The following HERC6 variants were observed in gnomAD, a reference collection of about 807,000 sequenced individuals.
HERC6 encodes probable E3 ubiquitin-protein ligase HERC6.
A neutral mutation model predicts 114.5 loss-of-function variants in HERC6; 101 were observed. The observed-to-expected ratio is 0.88, with a 90% CI of 0.75 to 1.04. HERC6 has a LOEUF of 1.04. Ranked by LOEUF, HERC6 falls within the 50% of genes least tolerant of loss-of-function variation. The pLI is 0.00. For synonymous variants in HERC6, 408 were observed against 436.2 expected (o/e 0.94, Z 0.81); for missense variants, 1,133 against 1,230.9 (o/e 0.92, Z 1.19).
chr4:88,415,379 A>G (rs1410888197), intron 12 of HERC6, among the ~76,000 whole-genome samples: 3 of 152,178 alleles, frequency 2.0e-5, no homozygotes, highest in Non-Finnish European at 2.9e-5. Context: ...AAAATCACTG[A>G]GTCAAATTGT....
intron 8 of HERC6, among the ~76,000 whole-genome samples, chr4:88,400,439 T>C (rs1284473065): frequency 6.6e-6 from 1 of 152,192 alleles, no homozygotes; most frequent in Non-Finnish European, 1.5e-5. Flanking sequence ...TCAAGTGATC[T>C]GCCCACCTTG....
At chr4:88,386,426 G>A (rs556392557) in intron 3 of HERC6, among the ~76,000 whole-genome samples, 135 of 152,024 alleles carry the variant, frequency 8.9e-4, no homozygotes, top group Non-Finnish European at 1.1e-3. Context: ...GGCTGGTCTC[G>A]AACTCCTGAC....
intron 4 of HERC6, among the ~76,000 whole-genome samples, chr4:88,391,620 T>A (rs1370096824): frequency 6.6e-6 from 1 of 152,236 alleles, no homozygotes; most frequent in African/African-American, 2.4e-5. Flanking sequence ...GCATCCATCG[T>A]CATTAGAGAC....
At position 88,428,621 on chromosome 4, in the gene HERC6, T is replaced by C. The variant is rs1342325917; in HGVS notation, c.1977T>C (p.Ile659=). Residue 659 remains isoleucine (I), a synonymous_variant, in exon 16 of 23, where the codon ATT becomes ATC. Transcript: ENST00000264346. ...CATACATGCTTATGCATGAAACAAT[T>C]CTGCAAAAAAAGGATGAATTTCCTC... ...KKAYMLMHET[I]LQKKDEFPPS... The C allele has an allele frequency of 6.2e-7, 1 of 1,608,726 alleles. No individual in the cohort carries two copies. Among genetic ancestry groups the C allele is most frequent in the Non-Finnish European group, 8.5e-7 (1 of 1,178,088 alleles).
intron 10 of HERC6, among the ~76,000 whole-genome samples, chr4:88,408,023 G>A (rs1455964336): frequency 6.6e-6 from 1 of 152,168 alleles, no homozygotes; most frequent in Non-Finnish European, 1.5e-5. Flanking sequence ...AGAATCTATG[G>A]GCACAAACTG....
intron 8 of HERC6, chr4:88,399,786 A>G (rs1578382149): frequency 6.6e-6 from 1 of 152,064 alleles, no homozygotes; most frequent in African/African-American, 2.4e-5. Context: ...AAAAAAAAAA[A>G]TTGTATTAGA....
intron 10 of HERC6, 115 bp downstream of exon 10, chr4:88,405,728 C>A: frequency 2.0e-6 from 1 of 495,918 alleles, no homozygotes. Context: ...AAGTCCAACA[C>A]AGAGAACTCT....
rs765131578 is a variant in HERC6 at position 88,379,058 on chromosome 4, C to T, written c.137C>T (p.Ser46Leu). Residue 46 changes from serine (S) to leucine (L), a missense_variant, in exon 1 of 23, where the codon TCG (serine) becomes TTG (leucine). Coordinates refer to ENST00000264346, the MANE Select transcript of HERC6 (RefSeq NM_017912.4). ...LLLLTNHRVLSCGDNSRGQLG... is the reference protein window; with the variant it reads ...LLLLTNHRVLLCGDNSRGQLG... ...CTGCTGACCAACCACAGGGTCCTCT[C>T]GTGCGGAGACAACAGCAGGGGTCAG... The T allele has an allele frequency of 6.4e-7, 1 of 1,556,062 alleles. No homozygotes were observed. The highest frequency in any genetic ancestry group is 8.7e-7 in the Non-Finnish European group (1 of 1,151,374).
At chr4:88,427,511 G>T (rs528157566) in intron 15 of HERC6, among the ~76,000 whole-genome samples, 2 of 152,062 alleles carry the variant, frequency 1.3e-5, no homozygotes, top group African/African-American at 4.8e-5. Context: ...GATGGAACTT[G>T]TTCCTTTTCC....
At chr4:88,398,047 A>C in intron 7 of HERC6, 95 bp from the exon 8 acceptor site, 1 of 684,770 alleles carries the variant, frequency 1.5e-6, no homozygotes, top group Non-Finnish European at 2.4e-6. Flanking sequence ...GAGAATATAA[A>C]TTGCCAGTAA....
intron 8 of HERC6, among the ~76,000 whole-genome samples, chr4:88,401,866 T>G (rs894524016): frequency 2.6e-5 from 4 of 152,220 alleles, no homozygotes; most frequent in African/African-American, 9.6e-5. Flanking sequence ...GTCATAGACT[T>G]AAAGTGAAAT....
At chr4:88,418,666 T>C (rs1180256790) in intron 13 of HERC6, among the ~76,000 whole-genome samples, 1 of 152,204 alleles carries the variant, frequency 6.6e-6, no homozygotes, top group Non-Finnish European at 1.5e-5. Context: ...AGGCACTGGA[T>C]AAAAACCCTT....
At chr4:88,429,551 G>A (rs985813213) in intron 16 of HERC6, among the ~76,000 whole-genome samples, 5 of 152,104 alleles carry the variant, frequency 3.3e-5, no homozygotes, top group African/African-American at 1.2e-4. Flanking sequence ...TTTTTATTGT[G>A]TAGTAACTCA....
At chr4:88,388,717 C>T (rs1297814838) in intron 3 of HERC6, among the ~76,000 whole-genome samples, 2 of 151,902 alleles carry the variant, frequency 1.3e-5, no homozygotes, top group Admixed American at 1.3e-4. Context: ...TGAAGGCTTA[C>T]AGGTAGCAGC....
chr4:88,395,451 A>G (rs1195321380), intron 5 of HERC6, among the ~76,000 whole-genome samples: 1 of 152,140 alleles, frequency 6.6e-6, no homozygotes, highest in Non-Finnish European at 1.5e-5. Flanking sequence ...CAAAAATTGT[A>G]TATGTTTATG....
At chr4:88,385,790 T>C (rs931460499) in intron 3 of HERC6, among the ~76,000 whole-genome samples, 2 of 152,186 alleles carry the variant, frequency 1.3e-5, no homozygotes, top group Non-Finnish European at 2.9e-5. Flanking sequence ...GGGCTGTCTC[T>C]GGTTATTTGA....
intron 6 of HERC6, 101 bp from the exon 7 acceptor site, chr4:88,396,750 A>G: frequency 8.8e-7 from 1 of 1,140,648 alleles, no homozygotes; most frequent in East Asian, 2.7e-5. Context: ...GTAAAAGTAA[A>G]TTGGGCTTTT....
chr4:88,379,823 C>A (rs867488026), intron 1 of HERC6, among the ~76,000 whole-genome samples: 9 of 50,434 alleles, frequency 1.8e-4, no homozygotes, highest in East Asian at 1.4e-3. Flanking sequence ...ATATATATAA[C>A]ATATAAATAT....
chr4:88,390,819 T>A lies in HERC6; in HGVS notation c.604T>A (p.Ser202Thr). 3 of 1,614,068 alleles carry A rather than the reference T, an allele frequency of 1.9e-6. No individual in the cohort carries two copies. The highest frequency in any genetic ancestry group is 2.5e-6 in the Non-Finnish European group (3 of 1,179,984). The change falls in exon 4 of 23, where the codon TCG becomes ACG. Residue 202 changes from serine (S) to threonine (T), a missense_variant. By Grantham distance (58) the Ser-to-Thr change is moderately conservative. This residue lies in a region of HERC6 where 735 missense variants were observed against 754.0 expected (regional missense o/e 0.97). Transcript: ENST00000264346. ...HSFALSLCGT[S>T]FGWGSNSAGQ... ...CTTTGCCCTGTCTCTCTGTGGGACT[T>A]CGTTTGGCTGGGGAAGTAACAGTGC...
Sources: gnomAD v4.1 joint callset for allele counts (sites outside exome capture counted in the v4.1 genomes callset) on GRCh38, gnomAD v4.1.1 for gene constraint, gnomAD v4.1.1 regional missense constraint, MANE v1.5 for transcripts, NCBI Gene and HGNC (gene_info 2026-07-23, HGNC 2026-07-21) for gene names.